The following SLC6A15 variants were observed in gnomAD, a reference collection of about 807,000 sequenced individuals.
The protein encoded by SLC6A15 is sodium-dependent neutral amino acid transporter B(0)AT2.
A neutral mutation model predicts 68.5 loss-of-function variants in SLC6A15; 33 were observed. The ratio of observed to expected loss-of-function variants is 0.48; its 90% confidence interval spans 0.37 to 0.64. The LOEUF (loss-of-function observed/expected upper bound fraction) is 0.64. Ranked by LOEUF, SLC6A15 falls within the 30% of genes least tolerant of loss-of-function variation. SLC6A15 has a pLI of 0.00. For synonymous variants in SLC6A15, 347 were observed against 301.0 expected (o/e 1.15, Z -1.58); for missense variants, 747 against 874.3 (o/e 0.85, Z 1.84).
At chr12:84,881,392 A>G in intron 5 of SLC6A15, 1 of 949,788 alleles carries the variant, frequency 1.1e-6, no homozygotes, top group Non-Finnish European at 1.3e-6. Context: ...ATGGCCACAC[A>G]AAGCAGCCCT....
intron 5 of SLC6A15, among the ~76,000 whole-genome samples, chr12:84,878,666 T>C (rs566988500): frequency 3.3e-5 from 5 of 152,178 alleles, no homozygotes; most frequent in African/African-American, 1.2e-4. Flanking sequence ...TATTTTATCT[T>C]TATATTTTTA....
intron 11 of SLC6A15, among the ~76,000 whole-genome samples, chr12:84,863,011 A>G (rs1255972637): frequency 1.3e-5 from 2 of 152,128 alleles, no homozygotes; most frequent in Non-Finnish European, 2.9e-5. Context: ...GGCTGCTCTC[A>G]AGCTGCTGGC....
chr12:84,882,054 G>T, intron 5 of SLC6A15: 1 of 985,146 alleles, frequency 1.0e-6, no homozygotes, highest in Non-Finnish European at 1.2e-6. Flanking sequence ...GACATGAGAA[G>T]AACAACCCCA....
intron 11 of SLC6A15, among the ~76,000 whole-genome samples, chr12:84,863,232 C>A (rs562532206): frequency 6.6e-6 from 1 of 152,218 alleles, no homozygotes; most frequent in Non-Finnish European, 1.5e-5. Flanking sequence ...AAGGTTAGTG[C>A]TTCACATGTG....
rs77517420 is a variant in SLC6A15 at position 84,872,830 on chromosome 12, G to C, written c.1110-36C>G. 15,646 of 1,512,204 alleles carry C rather than the reference G, an allele frequency of 0.01. 750 individuals carry two copies. The African/African-American group carries it at 0.14, about 14-fold the overall frequency. 93.7% of individuals were successfully genotyped at this position (1,512,204 alleles called of 1,614,324 possible). A position where few individuals can be genotyped will look rare whatever the true frequency, so the allele number is the denominator to read the frequency against. On this transcript the variant is annotated intron_variant, in intron 7 of 11. Coordinates refer to ENST00000266682, the MANE Select transcript of SLC6A15 (RefSeq NM_182767.6). ...AAACAACATACAAATGAGCACATAA[G>C]AGTTCTTTGGTGTATAGTTTGTGAA...
rs370311556 is a variant in SLC6A15, at chr12:84,867,453, T to C, written c.1496-260A>G. On this transcript the variant is annotated intron_variant, in intron 9 of 11. Coordinates refer to ENST00000266682, the MANE Select transcript of SLC6A15 (RefSeq NM_182767.6). Reference sequence around the variant, plus strand: ...GTGGAAACTCATTTACCAAGTACAATAATAAATGAGTCAAAGTTTAGAGAA... The same window carrying C: ...GTGGAAACTCATTTACCAAGTACAACAATAAATGAGTCAAAGTTTAGAGAA... 4.5e-4 allele frequency: 105 copies of C among 231,528 alleles called. No individual in the cohort carries two copies. The South Asian group carries it at 0.015, about 33-fold the overall frequency. 14.3% of individuals were successfully genotyped at this position (231,528 alleles called of 1,614,324 possible). A position where few individuals can be genotyped will look rare whatever the true frequency, so the allele number is the denominator to read the frequency against.
chr12:84,906,876 C>A (rs1310943346), intron 1 of SLC6A15, among the ~76,000 whole-genome samples: 3 of 151,896 alleles, frequency 2.0e-5, no homozygotes, highest in Admixed American at 6.6e-5. Flanking sequence ...CCAAAGAGCT[C>A]TTAGACATGA....
intron 1 of SLC6A15, among the ~76,000 whole-genome samples, chr12:84,909,490 A>G (rs1873338159): frequency 6.6e-6 from 1 of 152,198 alleles, no homozygotes; most frequent in East Asian, 1.9e-4. Flanking sequence ...AAAATTGTTT[A>G]GTAAAGACAG....
At chr12:84,894,928 T>C (rs557273014) in intron 1 of SLC6A15, among the ~76,000 whole-genome samples, 2 of 152,238 alleles carry the variant, frequency 1.3e-5, no homozygotes, top group African/African-American at 2.4e-5. Context: ...CCAAACTTTA[T>C]AAAATAAAAT....
chr12:84,890,084 T>C (rs531494124), intron 2 of SLC6A15, among the ~76,000 whole-genome samples: 2 of 152,326 alleles, frequency 1.3e-5, no homozygotes, highest in East Asian at 3.9e-4. Context: ...AATGCCATAC[T>C]GAATGGTGAG....
rs1753712712 is a variant in SLC6A15, at chr12:84,885,532, G to A, written c.477C>T (p.Asn159=). ...AAAACAAACTCCAGCCAATGATGAC[G>A]TTGTAGTAGAGAGCTACAAAATAGC... is the stretch of plus-strand genomic sequence containing the variant. ...VVCYFVALYY[N]VIIGWSLFYF... Residue 159 remains asparagine (N), a synonymous_variant, in exon 4 of 12, where the codon AAC becomes AAT. Coordinates refer to ENST00000266682, the MANE Select transcript of SLC6A15 (RefSeq NM_182767.6). The A allele has an allele frequency of 2.5e-6, 4 of 1,613,336 alleles. No homozygotes were observed. Among genetic ancestry groups the A allele is most frequent in the Non-Finnish European group, 3.4e-6 (4 of 1,179,586 alleles).
intron 1 of SLC6A15, among the ~76,000 whole-genome samples, chr12:84,906,322 T>C (rs1873153217): frequency 6.6e-6 from 1 of 151,568 alleles, no homozygotes; most frequent in Non-Finnish European, 1.5e-5. Flanking sequence ...ACATGCCATG[T>C]TCATGGATTA....
At chr12:84,890,589 C>T (rs992864478) in intron 2 of SLC6A15, among the ~76,000 whole-genome samples, 6 of 152,178 alleles carry the variant, frequency 3.9e-5, no homozygotes, top group Non-Finnish European at 7.4e-5. Flanking sequence ...ACTCTACGTT[C>T]GATCTTTACC....
At chr12:84,891,623 C>T (rs902588188) in intron 2 of SLC6A15, among the ~76,000 whole-genome samples, 1 of 152,060 alleles carries the variant, frequency 6.6e-6, no homozygotes, top group African/African-American at 2.4e-5. Flanking sequence ...TTAAGCAATC[C>T]CTGAGCATTC....
intron 5 of SLC6A15, among the ~76,000 whole-genome samples, chr12:84,878,101 T>A (rs1871643883): frequency 1.3e-5 from 2 of 152,152 alleles, no homozygotes; most frequent in South Asian, 4.2e-4. Flanking sequence ...AGGGGCACTC[T>A]CTAGTTTTAC....
At chr12:84,879,419 G>A (rs1405514594) in intron 5 of SLC6A15, among the ~76,000 whole-genome samples, 8 of 151,694 alleles carry the variant, frequency 5.3e-5, no homozygotes, top group South Asian at 4.2e-4. Context: ...ACTGCTTCCC[G>A]GGTTCAAGTG....
intron 11 of SLC6A15, among the ~76,000 whole-genome samples, chr12:84,862,551 G>A (rs188522566): frequency 7.2e-4 from 110 of 152,022 alleles, no homozygotes; most frequent in African/African-American, 2.4e-3. Context: ...ATTAACCATA[G>A]GATAGTTAAA....
chr12:84,907,616 T>C (rs1354648273), intron 1 of SLC6A15, among the ~76,000 whole-genome samples: 2 of 152,044 alleles, frequency 1.3e-5, no homozygotes, highest in Admixed American at 6.6e-5. Context: ...GAATGTAAAA[T>C]TGTACAAACA....
At chr12:84,886,245 T>G (rs1014870037) in intron 2 of SLC6A15, among the ~76,000 whole-genome samples, 177 bp from the exon 3 acceptor site, 1 of 152,180 alleles carries the variant, frequency 6.6e-6, no homozygotes, top group African/African-American at 2.4e-5. Context: ...TTGAATTTGA[T>G]TTCTACAAAG....
Sources: gnomAD v4.1 joint callset for allele counts (sites outside exome capture counted in the v4.1 genomes callset) on GRCh38, gnomAD v4.1.1 for gene constraint, MANE v1.5 for transcripts, NCBI Gene and HGNC (gene_info 2026-07-23, HGNC 2026-07-21) for gene names.